ERC2: variants seen among roughly 807,000 people sequenced by gnomAD.
ERC2 encodes the protein ELKS/RAB6-interacting/CAST family member 2, also known as ERC protein 2.
ERC2 carries 42 observed loss-of-function variants against 114.8 expected under a neutral mutation model. That is an observed-to-expected ratio of 0.37 (90% CI 0.29 to 0.47). The LOEUF (loss-of-function observed/expected upper bound fraction) is 0.47. Ranked by LOEUF, ERC2 falls within the 20% of genes least tolerant of loss-of-function variation. The probability of loss-of-function intolerance (pLI) is 0.99; values close to 1 mark genes in which losing one functional copy is unlikely to be tolerated. For missense variants in ERC2, 939 were observed against 1,150.7 expected, an observed-to-expected ratio of 0.82 and a Z score of 2.66; for synonymous variants, 454 against 425.5, an observed-to-expected ratio of 1.07 and a Z score of -0.82.
At chr3:55,761,058 C>T (rs1417589292) in intron 14 of ERC2, among the ~76,000 whole-genome samples, 2 of 152,130 alleles carry the variant, frequency 1.3e-5, no homozygotes, top group African/African-American at 4.8e-5. Flanking sequence ...GAGCCTGTGT[C>T]AACATTAAGA....
intron 3 of ERC2, among the ~76,000 whole-genome samples, chr3:56,292,594 C>T (rs551750303): frequency 7.7e-4 from 117 of 151,602 alleles, no homozygotes; most frequent in African/African-American, 2.4e-3. Context: ...CGTCCCCCAC[C>T]GCCCCCCGCA....
intron 14 of ERC2, among the ~76,000 whole-genome samples, chr3:55,786,633 G>A (rs539739184): frequency 2.7e-4 from 41 of 152,280 alleles, no homozygotes; most frequent in African/African-American, 7.2e-4. Flanking sequence ...CCATTTAACA[G>A]ATGAATAAAC....
At chr3:55,995,337 A>G (rs1453522215) in intron 10 of ERC2, among the ~76,000 whole-genome samples, 1 of 151,796 alleles carries the variant, frequency 6.6e-6, no homozygotes, top group African/African-American at 2.4e-5. Flanking sequence ...ATCTCAATCA[A>G]TCAATCAATC....
chr3:55,978,303 T>TA (rs1403115576), intron 12 of ERC2, among the ~76,000 whole-genome samples: 2 of 152,196 alleles, frequency 1.3e-5, no homozygotes, highest in African/African-American at 4.8e-5. Context: ...AGTTTACATA[T>TA]TTATATATAA....
At chr3:56,256,375 A>G (rs2052518434) in intron 3 of ERC2, among the ~76,000 whole-genome samples, 1 of 152,248 alleles carries the variant, frequency 6.6e-6, no homozygotes, top group South Asian at 2.1e-4. Context: ...AACTAACATG[A>G]GCTGACTGTG....
At chr3:55,662,326 C>T (rs978583534) in intron 17 of ERC2, among the ~76,000 whole-genome samples, 3 of 152,174 alleles carry the variant, frequency 2.0e-5, no homozygotes, top group Non-Finnish European at 4.4e-5. Context: ...ATCTAAATGC[C>T]CATTAACTGT....
At chr3:56,021,977 G>T (rs1215273057) in intron 7 of ERC2, among the ~76,000 whole-genome samples, 3 of 152,094 alleles carry the variant, frequency 2.0e-5, no homozygotes, top group Non-Finnish European at 4.4e-5. Context: ...TGTCATTAAT[G>T]GGCATTTAGG....
chr3:56,109,705 A>T (rs954094359), intron 6 of ERC2, among the ~76,000 whole-genome samples: 1 of 152,208 alleles, frequency 6.6e-6, no homozygotes, highest in Non-Finnish European at 1.5e-5. Flanking sequence ...GCCATGGGAC[A>T]CTTCCAACTG....
intron 7 of ERC2, among the ~76,000 whole-genome samples, chr3:56,069,237 C>A (rs1576793841): frequency 6.6e-6 from 1 of 152,182 alleles, no homozygotes; most frequent in East Asian, 1.9e-4. Flanking sequence ...AGCGGTGCCA[C>A]TTTAGTGGAC....
intron 2 of ERC2, among the ~76,000 whole-genome samples, chr3:56,334,616 C>T (rs2057770970): frequency 6.6e-6 from 1 of 152,092 alleles, no homozygotes; most frequent in Non-Finnish European, 1.5e-5. Flanking sequence ...AAACAAAACA[C>T]TGCTTTGTTT....
At chr3:55,715,524 A>G (rs538736745) in intron 15 of ERC2, among the ~76,000 whole-genome samples, 1 of 152,186 alleles carries the variant, frequency 6.6e-6, no homozygotes, top group Admixed American at 6.5e-5. Context: ...ACCCAGACAT[A>G]AAGGAGTGGA....
chr3:56,460,641 C>T (rs1418885747), intron 1 of ERC2, among the ~76,000 whole-genome samples: 1 of 152,200 alleles, frequency 6.6e-6, no homozygotes, highest in African/African-American at 2.4e-5. Flanking sequence ...TCCATCACTT[C>T]CAACTGGAGT....
intron 1 of ERC2, among the ~76,000 whole-genome samples, chr3:56,440,408 C>T (rs754559224): frequency 2.5e-4 from 38 of 152,036 alleles, no homozygotes; most frequent in Non-Finnish European, 3.8e-4. Context: ...ATTAGCCAGG[C>T]GTGGTGGTGG....
chr3:55,982,320 T>C (rs1442058704), intron 12 of ERC2, among the ~76,000 whole-genome samples: 17 of 152,144 alleles, frequency 1.1e-4, no homozygotes, highest in Admixed American at 1.1e-3. Context: ...TGGATTGATT[T>C]AGGGGGTAAA....
At chr3:55,950,675 G>C (rs2067438455) in intron 12 of ERC2, 115 bp from the exon 13 acceptor site, 2 of 1,127,342 alleles carry the variant, frequency 1.8e-6, no homozygotes, top group Non-Finnish European at 2.6e-6. Flanking sequence ...TTGGGAAAAA[G>C]ATGATACTTC....
intron 2 of ERC2, among the ~76,000 whole-genome samples, chr3:56,342,355 T>C (rs2058121451): frequency 6.6e-6 from 1 of 152,258 alleles, no homozygotes; most frequent in South Asian, 2.1e-4. Context: ...ATTCACTAAG[T>C]AATTTCAGTG....
chr3:55,779,327 CAAAAAAA>C (rs60185894), intron 14 of ERC2, among the ~76,000 whole-genome samples: 759 of 62,466 alleles, frequency 0.012, 8 homozygotes, highest in African/African-American at 0.032. Context: ...ACTAAAAATA[CAAAAAAA>C]AAAAAAAAAA....
intron 17 of ERC2, among the ~76,000 whole-genome samples, chr3:55,591,544 G>A (rs1017354129): frequency 2.0e-5 from 3 of 151,488 alleles, no homozygotes; most frequent in Non-Finnish European, 4.4e-5. Flanking sequence ...AGCTATTTAC[G>A]AGGAGAATGA....
At chr3:55,564,572 CTTAG>C (rs1433011828) in intron 17 of ERC2, among the ~76,000 whole-genome samples, 3 of 152,192 alleles carry the variant, frequency 2.0e-5, no homozygotes, top group Non-Finnish European at 2.9e-5. Context: ...CACCGTCCTT[CTTAG>C]TTATAGAGTT....
Sources: allele counts gnomAD v4.1 joint callset (sites outside exome capture counted in the v4.1 genomes callset), GRCh38; gene constraint gnomAD v4.1.1; transcripts MANE v1.5; gene names NCBI Gene and HGNC (gene_info 2026-07-23, HGNC 2026-07-21).